The following PHF8 variants were observed in gnomAD, a reference collection of about 807,000 sequenced individuals.
The protein encoded by PHF8 is PHD finger protein 8.
Under a neutral mutation model 74.4 loss-of-function variants are expected in PHF8, and 9 were observed. The ratio of observed to expected loss-of-function variants is 0.12; its 90% CI spans 0.07 to 0.21. The LOEUF is 0.21. PHF8 is among the 10% of genes least tolerant of loss of function. PHF8 has a pLI of 1.00. For synonymous variants in PHF8, 311 were observed against 316.6 expected, an observed-to-expected ratio of 0.98 and a Z score of 0.19; for missense variants, 478 against 816.6, an observed-to-expected ratio of 0.59 and a Z score of 5.05.
At chrX:53,957,266 T>C (rs1018685077) in intron 19 of PHF8, among the ~76,000 whole-genome samples, 1 of 109,298 alleles carries the variant, frequency 9.1e-6, no homozygotes, top group Non-Finnish European at 1.9e-5. Flanking sequence ...TGAAGCAGAA[T>C]TGCTTTAACC....
At chrX:53,968,545 T>C (rs2065246363) in intron 18 of PHF8, among the ~76,000 whole-genome samples, 1 of 112,457 alleles carries the variant, frequency 8.9e-6, no homozygotes, top group Admixed American at 9.4e-5. Flanking sequence ...GAGGGAATAC[T>C]TCCACAAAAC....
intron 8 of PHF8, among the ~76,000 whole-genome samples, chrX:54,008,086 G>A (rs960796074): frequency 7.1e-5 from 8 of 112,065 alleles, no homozygotes; most frequent in African/African-American, 2.6e-4. Flanking sequence ...AAAGAACGAA[G>A]TGGTCGGCGC....
intron 20 of PHF8, among the ~76,000 whole-genome samples, chrX:53,942,150 C>G (rs782658178): frequency 1.8e-4 from 20 of 111,953 alleles, no homozygotes; most frequent in Non-Finnish European, 3.0e-4. Context: ...GCTCAAAAAG[C>G]TGTTAGCAGA....
intron 2 of PHF8, among the ~76,000 whole-genome samples, chrX:54,030,654 C>A (rs1284274506): frequency 1.8e-5 from 2 of 111,790 alleles, no homozygotes; most frequent in Non-Finnish European, 3.8e-5. Context: ...GCATAAAAGG[C>A]ACTGAGAAAA....
rs1231464333 is a variant in PHF8, at chrX:53,944,894, C to T, written c.2540-651G>A. On this transcript the variant is annotated intron_variant, in intron 19 of 21. Transcript: ENST00000338154. ...AAAATTATCCCGGCATGGTGGTGCACGCCTGCAGTCCCAGCTGCTCAGGAG... is the reference window on the plus strand; with the variant it reads ...AAAATTATCCCGGCATGGTGGTGCATGCCTGCAGTCCCAGCTGCTCAGGAG... 3.6e-5 allele frequency among the ~76,000 whole-genome samples: 4 copies of T among 111,240 alleles called. No homozygotes were observed. The East Asian group carries it at 8.4e-4, about 23-fold the overall frequency.
At chrX:54,040,938 G>C (rs1569530177) in intron 2 of PHF8, among the ~76,000 whole-genome samples, 1 of 112,122 alleles carries the variant, frequency 8.9e-6, no homozygotes, top group Non-Finnish European at 1.9e-5. Context: ...ACATGAGGCA[G>C]TAAAACAGAA....
At chrX:53,954,642 GATATATATAT>G (rs10544503) in intron 19 of PHF8, among the ~76,000 whole-genome samples, 5 of 92,884 alleles carry the variant, frequency 5.4e-5, no homozygotes, top group African/African-American at 2.0e-4. Flanking sequence ...CTGGGTGACA[GATATATATAT>G]ATATATATAT....
At position 53,985,688 on chromosome X, in the gene PHF8, C is replaced by A. The variant is rs188994567; in HGVS notation, c.2129+128G>T. 58 of 1,104,854 alleles carry A rather than the reference C, an allele frequency of 5.2e-5. No individual in the cohort carries two copies. The East Asian group carries it at 1.8e-3, about 34-fold the overall frequency. 91.1% of individuals were successfully genotyped at this position (1,104,854 alleles called of 1,213,427 possible). ...CTACTTTATTCTTTCACCCAAATGC[C>A]CTGGATAATTCTTTGTCCCTTTAAA... On this transcript the variant is annotated intron_variant, in intron 17 of 21. Coordinates refer to ENST00000338154, the MANE Select transcript of PHF8 (RefSeq NM_015107.3).
chrX:53,952,057 G>A (rs1001610033), intron 19 of PHF8, among the ~76,000 whole-genome samples: 62 of 109,963 alleles, frequency 5.6e-4, no homozygotes, highest in African/African-American at 1.8e-3. Context: ...AGGCCGAAGC[G>A]GGCAGATTAC....
intron 8 of PHF8, among the ~76,000 whole-genome samples, chrX:54,005,444 AAAAG>A (rs1353439358): frequency 9.1e-5 from 10 of 109,352 alleles, no homozygotes; most frequent in African/African-American, 2.3e-4. Flanking sequence ...TCAAAAAAAA[AAAAG>A]AAAGAAAGAA....
Position 54,044,190 on chromosome X carries a change from G to T in PHF8, c.-521C>A. ...TGGCGGCCGCCCGGCGAACGGGCAA[G>T]TGGCGTCGTCGCTGGGCCGGCAGGA... On this transcript the variant is annotated 5_prime_UTR_variant, in exon 1 of 22. Transcript: ENST00000338154. 1.3e-6 allele frequency: 1 copy of T among 755,181 alleles called. No homozygotes were observed. Among genetic ancestry groups the T allele is most frequent in the South Asian group, 6.7e-5 (1 of 14,932 alleles). The allele number at this position is 755,181 out of a possible 1,213,427, so 62.2% of individuals were successfully genotyped here. A position where few individuals can be genotyped will look rare whatever the true frequency, so the allele number is the denominator to read the frequency against.
intron 2 of PHF8, chrX:54,039,860 T>C (rs946912562): frequency 1.4e-4 from 16 of 112,529 alleles, no homozygotes; most frequent in South Asian, 7.2e-4. Flanking sequence ...GGCAATTACA[T>C]TGTAACATTA....
At chrX:53,979,879 C>T (rs188380917) in intron 18 of PHF8, among the ~76,000 whole-genome samples, 69 of 111,298 alleles carry the variant, frequency 6.2e-4, no homozygotes, top group Admixed American at 4.6e-3. Context: ...GTCCCAGCTA[C>T]TCGGGAGGCT....
Position 53,995,685 on chromosome X carries a change from C to A in PHF8, c.1323+8G>T, listed in dbSNP as rs782672757. On this transcript the variant is annotated splice_region_variant and intron_variant, in intron 12 of 21. Transcript: ENST00000338154. ...AATGCCTTTTCTTCCCTGCCCCATG[C>A]TCCTTACTTCCACCAGGCGGATCTC... 1.0e-5 allele frequency: 12 copies of A among 1,148,372 alleles called. No homozygotes were observed. Among genetic ancestry groups the A allele is most frequent in the Non-Finnish European group, 1.3e-5 (11 of 839,553 alleles). The allele number at this position is 1,148,372 out of a possible 1,213,427, so 94.6% of individuals were successfully genotyped here.
intron 2 of PHF8, among the ~76,000 whole-genome samples, chrX:54,041,160 G>A (rs960677754): frequency 1.2e-4 from 13 of 109,814 alleles, no homozygotes; most frequent in Admixed American, 7.8e-4. Context: ...CGGGCGGATC[G>A]CTTGAGGTCA....
chrX:54,006,205 G>A (rs782162723), intron 8 of PHF8, among the ~76,000 whole-genome samples: 5 of 111,823 alleles, frequency 4.5e-5, no homozygotes, highest in South Asian at 3.7e-4. Flanking sequence ...TTTTGGGCCC[G>A]GTGCGGTGAC....
intron 6 of PHF8, among the ~76,000 whole-genome samples, chrX:54,015,618 T>TATTG (rs1162507346): frequency 9.5e-6 from 1 of 105,170 alleles, no homozygotes; most frequent in Non-Finnish European, 1.9e-5. Flanking sequence ...AGGGTCTTAA[T>TATTG]ATTGTACCGT....
At chrX:53,978,625 C>T (rs1326772839) in intron 18 of PHF8, among the ~76,000 whole-genome samples, 6 of 108,039 alleles carry the variant, frequency 5.6e-5, no homozygotes, top group African/African-American at 1.7e-4. Flanking sequence ...AGTGAAACCC[C>T]GTCTCTACTA....
At chrX:54,044,815 A>G, upstream of PHF8, 3 of 1,037,306 alleles carry the variant, frequency 2.9e-6, no homozygotes, top group Non-Finnish European at 2.6e-6. Context: ...ACTCCAAACT[A>G]CAAAATTAAT....
Sources: gnomAD v4.1 joint callset for allele counts (sites outside exome capture counted in the v4.1 genomes callset) on GRCh38, gnomAD v4.1.1 for gene constraint, MANE v1.5 for transcripts, NCBI Gene and HGNC (gene_info 2026-07-23, HGNC 2026-07-21) for gene names.